The following ARNT2 variants were observed in gnomAD, a reference collection of about 807,000 sequenced individuals.
ARNT2 encodes the protein ARNT protein 2.
ARNT2 carries 36 observed loss-of-function variants against 91.7 expected under a neutral mutation model. The ratio of observed to expected loss-of-function variants is 0.39; its 90% confidence interval spans 0.30 to 0.52. The LOEUF is 0.52. Ranked by LOEUF, ARNT2 falls within the 20% of genes least tolerant of loss-of-function variation. The pLI is 0.72. For missense variants in ARNT2, 775 were observed against 939.3 expected (o/e 0.83, Z 2.29); for synonymous variants, 365 against 347.1 (o/e 1.05, Z -0.57).
chr15:80,575,156 G>C, intron 14 of ARNT2, 46 bp downstream of exon 14: 1 of 1,602,764 alleles, frequency 6.2e-7, no homozygotes, highest in Non-Finnish European at 8.5e-7. Context: ...TGGGTTTACA[G>C]TTGCTTTCAG....
In ARNT2 at chr15:80,505,927, G is replaced by GT. The variant is rs1161520898; in HGVS notation, c.623-2209dup. Among the ~76,000 whole-genome samples, 39 of 88,932 alleles carry GT rather than the reference G, an allele frequency of 4.4e-4. 1 individual carries two copies. The East Asian group carries it at 6.3e-3, about 14-fold the overall frequency. The allele number at this position is 88,932 out of a possible 152,430, so 58.3% of individuals were successfully genotyped here. On this transcript the variant is annotated intron_variant, in intron 5 of 18. Coordinates refer to ENST00000303329, the MANE Select transcript of ARNT2 (RefSeq NM_014862.4). ...GAAAAAATGATTCCCAACATTTGTTGTTTTTTTTTTTTTTTTTTTTGAGAC... is the reference window on the plus strand; with the variant it reads ...GAAAAAATGATTCCCAACATTTGTTGTTTTTTTTTTTTTTTTTTTTTGAGAC...
chr15:80,409,242 A>G (rs376927583), intron 1 of ARNT2, among the ~76,000 whole-genome samples: 1 of 152,122 alleles, frequency 6.6e-6, no homozygotes, highest in Non-Finnish European at 1.5e-5. Flanking sequence ...CATTCCTCCC[A>G]CTTCCGAATT....
At chr15:80,482,358 A>T (rs1322047113) in intron 5 of ARNT2, among the ~76,000 whole-genome samples, 1 of 152,182 alleles carries the variant, frequency 6.6e-6, no homozygotes, top group Non-Finnish European at 1.5e-5. Context: ...AAACCTTCCC[A>T]GGTGATTTTG....
intron 3 of ARNT2, among the ~76,000 whole-genome samples, chr15:80,464,324 G>T (rs1000710703): frequency 2.7e-5 from 4 of 150,840 alleles, no homozygotes; most frequent in Admixed American, 6.6e-5. Flanking sequence ...GGGGCTGGGG[G>T]TGGGGGGTTG....
chr15:80,546,426 C>T (rs1897992373), intron 8 of ARNT2, among the ~76,000 whole-genome samples: 1 of 152,222 alleles, frequency 6.6e-6, no homozygotes, highest in Admixed American at 6.5e-5. Context: ...CACATTGCCG[C>T]TCTGAATAAA....
At chr15:80,410,101 A>G (rs543857478) in intron 1 of ARNT2, among the ~76,000 whole-genome samples, 7 of 152,314 alleles carry the variant, frequency 4.6e-5, no homozygotes, top group African/African-American at 1.4e-4. Context: ...TGGAGAGCCA[A>G]TTGGACTGAA....
At chr15:80,486,982 T>A (rs1896985896) in intron 5 of ARNT2, among the ~76,000 whole-genome samples, 1 of 152,174 alleles carries the variant, frequency 6.6e-6, no homozygotes, top group Non-Finnish European at 1.5e-5. Flanking sequence ...GGGCTACTGA[T>A]GCTCACCACT....
At chr15:80,450,735 T>G in intron 1 of ARNT2, 145 bp from the exon 2 acceptor site, 1 of 777,540 alleles carries the variant, frequency 1.3e-6, no homozygotes, top group Non-Finnish European at 2.2e-6. Flanking sequence ...CCCAGCCACA[T>G]AGCTGATGAT....
chr15:80,472,992 C>T (rs1896752769), intron 4 of ARNT2, among the ~76,000 whole-genome samples: 1 of 152,006 alleles, frequency 6.6e-6, no homozygotes, highest in African/African-American at 2.4e-5. Flanking sequence ...TCAGATGAGC[C>T]CTACCTTTGT....
chr15:80,549,907 T>C (rs1473702069), intron 8 of ARNT2, among the ~76,000 whole-genome samples: 4 of 152,238 alleles, frequency 2.6e-5, no homozygotes, highest in Non-Finnish European at 4.4e-5. Context: ...AGGTTATTCA[T>C]TGCAGCATTG....
intron 5 of ARNT2, among the ~76,000 whole-genome samples, chr15:80,501,168 TTTTG>T (rs1897187751): frequency 6.6e-6 from 1 of 152,208 alleles, no homozygotes. Flanking sequence ...TGGTTTGGAT[TTTTG>T]TTTGTATGTA....
chr15:80,590,156 T>A (rs1893250927), intron 17 of ARNT2, among the ~76,000 whole-genome samples: 1 of 152,112 alleles, frequency 6.6e-6, no homozygotes, highest in Non-Finnish European at 1.5e-5. Context: ...GGGGGTTGGG[T>A]GGGGCCTGAG....
At chr15:80,571,981 T>C (rs115079367) in intron 12 of ARNT2, among the ~76,000 whole-genome samples, 2,381 of 152,306 alleles carry the variant, frequency 0.016, 58 homozygotes, top group African/African-American at 0.054. Context: ...TGAGATAATG[T>C]AAACACCTGT....
In ARNT2 at chr15:80,404,499, T is replaced by C. The variant is rs1895567457; in HGVS notation, c.-17T>C. 11 of 1,236,142 alleles carry C rather than the reference T, an allele frequency of 8.9e-6. No individual in the cohort carries two copies. The highest frequency in any genetic ancestry group is 1.1e-5 in the Non-Finnish European group (11 of 970,526). The allele number at this position is 1,236,142 out of a possible 1,614,324, so 76.6% of individuals were successfully genotyped here. On this transcript the variant is annotated 5_prime_UTR_variant, in exon 1 of 19. Coordinates refer to ENST00000303329, the MANE Select transcript of ARNT2 (RefSeq NM_014862.4). This position sits in a 1 kb window ranked among gnomAD's most constrained non-coding sequence, Gnocchi z 5.5. Reference sequence around the variant, plus strand: ...CCCGCGCCCCTGCCAAGCGGGCGCCTATCCTCTCCGAGCAAGATGGCAACC... The same window carrying C: ...CCCGCGCCCCTGCCAAGCGGGCGCCCATCCTCTCCGAGCAAGATGGCAACC...
chr15:80,449,993 G>A (rs769530318), intron 1 of ARNT2, among the ~76,000 whole-genome samples: 54 of 152,204 alleles, frequency 3.5e-4, no homozygotes, highest in Non-Finnish European at 6.6e-4. Context: ...GAATCACAGA[G>A]GCCACTTGAA....
At chr15:80,452,069 TG>T (rs1286547032) in intron 2 of ARNT2, among the ~76,000 whole-genome samples, 4 of 152,108 alleles carry the variant, frequency 2.6e-5, no homozygotes, top group African/African-American at 7.2e-5. Flanking sequence ...GTGGAGGCAA[TG>T]GGAAGTATCA....
intron 15 of ARNT2, among the ~76,000 whole-genome samples, chr15:80,578,364 G>A (rs1223998209): frequency 6.6e-6 from 1 of 152,028 alleles, no homozygotes; most frequent in Non-Finnish European, 1.5e-5. Flanking sequence ...CTTGGAGGAG[G>A]TGTTGTTGGA....
intron 17 of ARNT2, among the ~76,000 whole-genome samples, chr15:80,586,776 G>A (rs1265415432): frequency 6.6e-6 from 1 of 151,316 alleles, no homozygotes. Flanking sequence ...GGGAGGTGGA[G>A]GTTGCAGTGA....
intron 1 of ARNT2, among the ~76,000 whole-genome samples, chr15:80,426,932 G>A (rs549535699): frequency 9.9e-4 from 150 of 152,282 alleles, no homozygotes; most frequent in Non-Finnish European, 1.7e-3. Flanking sequence ...GAGCAGGGAA[G>A]CGAGCTGTCT....
Sources: allele counts gnomAD v4.1 joint callset (sites outside exome capture counted in the v4.1 genomes callset), GRCh38; gene constraint gnomAD v4.1.1; non-coding constraint Gnocchi (gnomAD v3.1); transcripts MANE v1.5; gene names NCBI Gene and HGNC (gene_info 2026-07-23, HGNC 2026-07-21).